Variants in TLN2 observed in about 807,000 individuals in gnomAD.
The protein encoded by TLN2 is talin 2, also known as talin-2.
TLN2 carries 118 observed loss-of-function variants against 294.7 expected under a neutral mutation model. The observed-to-expected ratio is 0.40, with a 90% CI of 0.34 to 0.47. The LOEUF is 0.47. Ranked by LOEUF, TLN2 falls within the 20% of genes least tolerant of loss-of-function variation. The pLI is 0.84. For missense variants in TLN2, 3,083 were observed against 3,282.2 expected (o/e 0.94, Z 1.48); for synonymous variants, 1,431 against 1,304.5 (o/e 1.10, Z -2.09).
chr15:62,403,021 C>T (rs534043445), intron 1 of TLN2, among the ~76,000 whole-genome samples: 2 of 152,070 alleles, frequency 1.3e-5, no homozygotes, highest in Non-Finnish European at 2.9e-5. Context: ...GGGCGGATCA[C>T]GAGGTCTGGA....
chr15:62,606,567 C>T (rs1026981795), intron 2 of TLN2, among the ~76,000 whole-genome samples: 1 of 152,098 alleles, frequency 6.6e-6, no homozygotes, highest in Non-Finnish European at 1.5e-5. Flanking sequence ...ATTACTGAAG[C>T]TTTTATTGTG....
At chr15:62,738,081 G>A (rs1595839963) in intron 29 of TLN2, 133 bp from the exon 30 acceptor site, 6 of 965,424 alleles carry the variant, frequency 6.2e-6, no homozygotes, top group Non-Finnish European at 9.4e-6. Flanking sequence ...ATGTAAGACA[G>A]GTAAGAGTGG....
chr15:62,572,028 C>T (rs1024966503), intron 1 of TLN2, among the ~76,000 whole-genome samples: 2 of 152,242 alleles, frequency 1.3e-5, no homozygotes, highest in South Asian at 2.1e-4. Context: ...TGGGAGGGTG[C>T]GGAGCCTTGT....
At chr15:62,597,107 C>T (rs115558262) in intron 2 of TLN2, among the ~76,000 whole-genome samples, 1,698 of 152,226 alleles carry the variant, frequency 0.011, 34 homozygotes, top group African/African-American at 0.039. Context: ...TTCCCCTTTG[C>T]ACCCTCAGAT....
At chr15:62,537,779 T>A (rs1249009813) in intron 1 of TLN2, among the ~76,000 whole-genome samples, 1 of 152,176 alleles carries the variant, frequency 6.6e-6, no homozygotes, top group Non-Finnish European at 1.5e-5. Flanking sequence ...ACTTCTCTGC[T>A]CCTGTGCTCT....
intron 58 of TLN2, 126 bp downstream of exon 58, chr15:62,839,107 G>A: frequency 5.3e-6 from 7 of 1,324,982 alleles, no homozygotes; most frequent in Non-Finnish European, 6.2e-6. Flanking sequence ...ATGGTGTGGT[G>A]TTTCCTTCAT....
At chr15:62,500,852 T>C (rs910106385) in intron 1 of TLN2, among the ~76,000 whole-genome samples, 1 of 152,220 alleles carries the variant, frequency 6.6e-6, no homozygotes, top group African/African-American at 2.4e-5. Flanking sequence ...AGAAGAAAGA[T>C]AGTATTGTTT....
intron 42 of TLN2, among the ~76,000 whole-genome samples, chr15:62,774,572 C>T (rs2063567902): frequency 6.6e-6 from 1 of 152,046 alleles, no homozygotes; most frequent in South Asian, 2.1e-4. Flanking sequence ...CTGGGTGAGG[C>T]CTGGAGTAAT....
At chr15:62,395,903 T>G (rs2140226874) in intron 1 of TLN2, among the ~76,000 whole-genome samples, 1 of 152,318 alleles carries the variant, frequency 6.6e-6, no homozygotes, top group East Asian at 1.9e-4. Context: ...TGGCTTGATG[T>G]GGGCTCACTG....
intron 3 of TLN2, among the ~76,000 whole-genome samples, chr15:62,635,102 T>C (rs2050252897): frequency 6.6e-6 from 1 of 152,194 alleles, no homozygotes; most frequent in African/African-American, 2.4e-5. Context: ...ATTATTGGCC[T>C]TCTCAGTTGT....
Position 62,707,273 on chromosome 15 carries a change from A to G in TLN2, c.2172+20A>G, listed in dbSNP as rs2059130975. On this transcript the variant is annotated intron_variant, in intron 20 of 58. Transcript: ENST00000636159. Reference sequence around the variant, plus strand: ...GCCAAGGTAAGCCAGCTGGCACCCCAGCCCTTTCTACCCAGTATCACCTGC... The same window carrying G: ...GCCAAGGTAAGCCAGCTGGCACCCCGGCCCTTTCTACCCAGTATCACCTGC... 6.3e-7 allele frequency: 1 copy of G among 1,598,018 alleles called. No individual in the cohort carries two copies. Among genetic ancestry groups the G allele is most frequent in the African/African-American group, 1.3e-5 (1 of 74,684 alleles).
chr15:62,489,140 G>A (rs919577755), intron 1 of TLN2, among the ~76,000 whole-genome samples: 1 of 152,170 alleles, frequency 6.6e-6, no homozygotes, highest in African/African-American at 2.4e-5. Flanking sequence ...CAGCCTGGGT[G>A]ACAGAGCAAG....
intron 1 of TLN2, among the ~76,000 whole-genome samples, chr15:62,443,683 G>C (rs1399410649): frequency 1.3e-5 from 2 of 152,168 alleles, no homozygotes; most frequent in African/African-American, 2.4e-5. Flanking sequence ...GAGAATCTGA[G>C]ATTCAGTCTG....
In TLN2 at chr15:62,719,764, C is replaced by A; in HGVS notation, c.2878-3C>A. On this transcript the variant is annotated splice_region_variant and splice_polypyrimidine_tract_variant and intron_variant, in intron 24 of 58. Coordinates refer to ENST00000636159, the MANE Select transcript of TLN2 (RefSeq NM_015059.3). The stretch of plus-strand genomic sequence containing the variant: ...GCTGTTTTTATTTCCTTGCCTTCTG[C>A]AGGCAGTGGCTGATCACATCCCTCA... 1 of 1,593,750 alleles carries A rather than the reference C, an allele frequency of 6.3e-7. No individual in the cohort carries two copies. Among genetic ancestry groups the A allele is most frequent in the Non-Finnish European group, 8.6e-7 (1 of 1,169,442 alleles).
At chr15:62,666,779 C>T (rs896680293) in intron 9 of TLN2, among the ~76,000 whole-genome samples, 3 of 152,114 alleles carry the variant, frequency 2.0e-5, no homozygotes, top group East Asian at 1.9e-4. Context: ...GACATTTTGA[C>T]CTTTGAGTCT....
intron 3 of TLN2, chr15:62,637,315 G>C (rs1167576932): frequency 1.3e-5 from 2 of 152,186 alleles, no homozygotes; most frequent in Non-Finnish European, 2.9e-5. Flanking sequence ...TTCAAAGTCA[G>C]AGTTCAGTTT....
intron 45 of TLN2, among the ~76,000 whole-genome samples, chr15:62,788,003 T>C (rs972467913): frequency 3.4e-5 from 5 of 149,096 alleles, no homozygotes; most frequent in African/African-American, 1.2e-4. Context: ...AAATCTCTTA[T>C]CTTTTTGGAT....
At chr15:62,817,814 CTTTTTTTTTTT>C (rs1179496167) in intron 52 of TLN2, among the ~76,000 whole-genome samples, 149 of 115,744 alleles carry the variant, frequency 1.3e-3, no homozygotes, top group South Asian at 1.8e-3. Context: ...TCCATTCTAT[CTTTTTTTTTTT>C]TTTTTTTTTT....
chr15:62,722,415 A>G lies in TLN2; in HGVS notation c.3054A>G (p.Ala1018=). 1.2e-6 allele frequency: 2 copies of G among 1,613,486 alleles called. No individual in the cohort carries two copies. The highest frequency in any genetic ancestry group is 1.7e-6 in the Non-Finnish European group (2 of 1,179,746). The part of the protein sequence containing the change: ...AAVPTVSDQA[A]AMQLSQCAKN... ...TGCCCACCGTGAGTGACCAGGCCGC[A>G]GCCATGCAGCTGAGCCAGTGTGCCA... is the stretch of plus-strand genomic sequence containing the variant. The change falls in exon 26 of 59, where the codon GCA becomes GCG. Residue 1018 remains alanine (A), a synonymous_variant. Transcript: ENST00000636159.
Sources: gnomAD v4.1 joint callset for allele counts (sites outside exome capture counted in the v4.1 genomes callset) on GRCh38, gnomAD v4.1.1 for gene constraint, MANE v1.5 for transcripts, NCBI Gene and HGNC (gene_info 2026-07-23, HGNC 2026-07-21) for gene names.